Variants in KALRN observed in about 807,000 individuals in gnomAD.
The protein encoded by KALRN is kalirin.
In KALRN, 70 loss-of-function variants were observed where a neutral mutation model predicts 353.7. That is an observed-to-expected ratio of 0.20 (90% CI 0.16 to 0.24). The LOEUF (loss-of-function observed/expected upper bound fraction) is 0.24. Ranked by LOEUF, KALRN falls within the 10% of genes least tolerant of loss-of-function variation. The pLI, the probability that KALRN is intolerant of heterozygous loss-of-function variation, is 1.00. For missense variants in KALRN, 2,791 were observed against 3,756.7 expected, an observed-to-expected ratio of 0.74 and a Z score of 6.72; for synonymous variants, 1,391 against 1,434.8, an observed-to-expected ratio of 0.97 and a Z score of 0.69.
chr3:124,466,656 G>C (rs2060375723), intron 25 of KALRN, among the ~76,000 whole-genome samples: 1 of 152,096 alleles, frequency 6.6e-6, no homozygotes, highest in Non-Finnish European at 1.5e-5. Context: ...CGCTCAGAGG[G>C]TCCTCTCAAC....
intron 10 of KALRN, among the ~76,000 whole-genome samples, chr3:124,358,204 T>G (rs1231182647): frequency 6.6e-6 from 1 of 152,104 alleles, no homozygotes; most frequent in Admixed American, 6.5e-5. Flanking sequence ...AAAAAAAAAT[T>G]CAGATGAAGC....
chr3:124,268,096 G>A (rs2073770218), intron 4 of KALRN, among the ~76,000 whole-genome samples: 1 of 152,152 alleles, frequency 6.6e-6, no homozygotes. Context: ...GTGGTTGCCT[G>A]CATCATCATT....
intron 10 of KALRN, among the ~76,000 whole-genome samples, chr3:124,369,113 A>G (rs2085466795): frequency 6.6e-6 from 1 of 152,198 alleles, no homozygotes; most frequent in African/African-American, 2.4e-5. Flanking sequence ...CCTTACACCA[A>G]TCTATTTTAT....
chr3:124,432,678 T>C (rs2093325465), intron 16 of KALRN, among the ~76,000 whole-genome samples: 1 of 152,212 alleles, frequency 6.6e-6, no homozygotes, highest in South Asian at 2.1e-4. Flanking sequence ...GGTAAATGTA[T>C]TCACAGTGCT....
chr3:124,401,707 T>C (rs1019965656), intron 13 of KALRN, among the ~76,000 whole-genome samples: 6 of 152,112 alleles, frequency 3.9e-5, no homozygotes, highest in African/African-American at 1.4e-4. Flanking sequence ...GTCCGGATTT[T>C]ACAAGGGGTC....
In KALRN at chr3:124,661,991, C is replaced by G. The variant is rs6772913; in HGVS notation, c.6345+63C>G. 6.1e-5 allele frequency: 80 copies of G among 1,321,512 alleles called. No homozygotes were observed. The Admixed American group carries it at 1.3e-3, about 22-fold the overall frequency. The allele number at this position is 1,321,512 out of a possible 1,614,324, so 81.9% of individuals were successfully genotyped here. A position where few individuals can be genotyped will look rare whatever the true frequency, so the allele number is the denominator to read the frequency against. Reference sequence around the variant, plus strand: ...AGGACAATAGGAGTCCAGACTGTTGCGGCTTCCTCCCCCTGAAGCCTTGTG... The same window carrying G: ...AGGACAATAGGAGTCCAGACTGTTGGGGCTTCCTCCCCCTGAAGCCTTGTG... On this transcript the variant is annotated intron_variant, in intron 45 of 59. Coordinates refer to ENST00000682506, the MANE Select transcript of KALRN (RefSeq NM_001388419.1).
intron 14 of KALRN, among the ~76,000 whole-genome samples, chr3:124,418,840 G>T (rs1367061061): frequency 6.6e-6 from 1 of 152,132 alleles, no homozygotes; most frequent in African/African-American, 2.4e-5. Flanking sequence ...TTGCATGTTG[G>T]AATCACACCT....
chr3:124,474,657 T>A lies in KALRN; in HGVS notation c.4032-6T>A, dbSNP rs773282392. 4.3e-6 allele frequency: 7 copies of A among 1,613,484 alleles called. No individual in the cohort carries two copies. Among genetic ancestry groups the A allele is most frequent in the South Asian group, 1.1e-5 (1 of 91,054 alleles). ...TGTCTGATTCAGTCTTTTTCTCCTCTTGCAGCATCTTCCTCAAAGAGCTGG... is the reference window on the plus strand; with the variant it reads ...TGTCTGATTCAGTCTTTTTCTCCTCATGCAGCATCTTCCTCAAAGAGCTGG... On this transcript the variant is annotated splice_polypyrimidine_tract_variant and splice_region_variant and intron_variant, in intron 25 of 59. Coordinates refer to ENST00000682506, the MANE Select transcript of KALRN (RefSeq NM_001388419.1).
intron 10 of KALRN, among the ~76,000 whole-genome samples, chr3:124,364,252 T>C (rs1225154086): frequency 1.3e-5 from 2 of 152,224 alleles, no homozygotes; most frequent in African/African-American, 4.8e-5. Flanking sequence ...GATTATGGTA[T>C]AGTCTGTGGT....
intron 41 of KALRN, 56 bp downstream of exon 41, chr3:124,657,859 A>G: frequency 7.9e-7 from 1 of 1,272,214 alleles, no homozygotes; most frequent in Non-Finnish European, 1.1e-6. Context: ...ATTTATATTC[A>G]TTTTAAAATC....
At chr3:124,673,001 A>C (rs1238823309) in intron 48 of KALRN, among the ~76,000 whole-genome samples, 1 of 152,216 alleles carries the variant, frequency 6.6e-6, no homozygotes, top group Non-Finnish European at 1.5e-5. Flanking sequence ...AACCACACTG[A>C]TTTGTTCCGT....
At chr3:124,283,882 A>G (rs2075584344) in intron 5 of KALRN, among the ~76,000 whole-genome samples, 1 of 152,166 alleles carries the variant, frequency 6.6e-6, no homozygotes, top group African/African-American at 2.4e-5. Context: ...GACAGCAACT[A>G]CTTGTTGTGA....
intron 51 of KALRN, among the ~76,000 whole-genome samples, chr3:124,682,130 G>A (rs1408992835): frequency 6.6e-6 from 1 of 152,168 alleles, no homozygotes; most frequent in Non-Finnish European, 1.5e-5. Context: ...TTATTGCAAT[G>A]TACACTGCAG....
intron 34 of KALRN, among the ~76,000 whole-genome samples, chr3:124,615,155 A>C (rs1206216561): frequency 6.6e-6 from 1 of 152,222 alleles, no homozygotes; most frequent in African/African-American, 2.4e-5. Flanking sequence ...CAAAGTTAAC[A>C]TAACTATAGT....
At chr3:124,079,584 TG>T (rs776396430) in intron 1 of KALRN, among the ~76,000 whole-genome samples, 1 of 152,168 alleles carries the variant, frequency 6.6e-6, no homozygotes, top group Non-Finnish European at 1.5e-5. Context: ...GAGACTACAT[TG>T]ATTGAAAATT....
intron 1 of KALRN, among the ~76,000 whole-genome samples, chr3:124,052,215 C>T (rs1678910298): frequency 2.6e-5 from 4 of 152,200 alleles, no homozygotes; most frequent in Admixed American, 6.5e-5. Flanking sequence ...TGAACAGGGG[C>T]ACTAGCCCCC....
chr3:124,195,535 C>G (rs1389637242), intron 1 of KALRN, among the ~76,000 whole-genome samples: 1 of 152,082 alleles, frequency 6.6e-6, no homozygotes, highest in African/African-American at 2.4e-5. Flanking sequence ...ATCTTTTTCC[C>G]CTCCTCCTCA....
At chr3:124,611,126 T>A (rs543439048) in intron 34 of KALRN, among the ~76,000 whole-genome samples, 1 of 152,132 alleles carries the variant, frequency 6.6e-6, no homozygotes, top group Non-Finnish European at 1.5e-5. Context: ...GTGGGTGTTG[T>A]AGTTCTCAAT....
At chr3:124,541,517 T>C (rs188885437) in intron 33 of KALRN, among the ~76,000 whole-genome samples, 104 of 152,238 alleles carry the variant, frequency 6.8e-4, no homozygotes, top group African/African-American at 2.4e-3. Flanking sequence ...CACGCAGTTT[T>C]ATTTTGCTAA....
Sources: allele counts gnomAD v4.1 joint callset (sites outside exome capture counted in the v4.1 genomes callset), GRCh38; gene constraint gnomAD v4.1.1; transcripts MANE v1.5; gene names NCBI Gene and HGNC (gene_info 2026-07-23, HGNC 2026-07-21).